GRM1: variants seen among roughly 807,000 people sequenced by gnomAD.
The protein encoded by GRM1 is metabotropic glutamate receptor 1.
In GRM1, 33 loss-of-function variants were observed where a neutral mutation model predicts 90.9. The ratio of observed to expected loss-of-function variants is 0.36; its 90% CI spans 0.28 to 0.49. The LOEUF is 0.49. Among genes scored for constraint, GRM1 ranks in the 20% least tolerant of loss-of-function variants. The pLI is 0.99. For missense variants in GRM1, 1,190 were observed against 1,534.3 expected (o/e 0.78, Z 3.75); for synonymous variants, 700 against 613.2 (o/e 1.14, Z -2.09).
intron 7 of GRM1, among the ~76,000 whole-genome samples, chr6:146,425,520 C>A (rs917749118): frequency 1.5e-4 from 20 of 136,630 alleles, no homozygotes; most frequent in Admixed American, 5.1e-4. Context: ...TCCAGGTTAC[C>A]CTGGACAGTT....
intron 3 of GRM1, among the ~76,000 whole-genome samples, chr6:146,311,217 C>G (rs1783759816): frequency 6.6e-6 from 1 of 152,128 alleles, no homozygotes; most frequent in Non-Finnish European, 1.5e-5. Context: ...GGCAGTTAAA[C>G]TATTCCACTT....
intron 2 of GRM1, among the ~76,000 whole-genome samples, chr6:146,211,140 AT>A (rs1779675334): frequency 6.6e-6 from 1 of 151,422 alleles, no homozygotes; most frequent in Non-Finnish European, 1.5e-5. Context: ...AAAAAAAAAC[AT>A]TTGGCTTAAC....
At chr6:146,279,179 G>A (rs1287520391) in intron 2 of GRM1, among the ~76,000 whole-genome samples, 4 of 152,086 alleles carry the variant, frequency 2.6e-5, no homozygotes, top group South Asian at 2.1e-4. Flanking sequence ...CTTTTAATGT[G>A]TATGGAATCA....
At chr6:146,282,447 C>A (rs192138884) in intron 2 of GRM1, among the ~76,000 whole-genome samples, 45 of 152,012 alleles carry the variant, frequency 3.0e-4, no homozygotes, top group Admixed American at 1.6e-3. Context: ...ATGCCCCTGG[C>A]TCATAGCAGC....
intron 1 of GRM1, among the ~76,000 whole-genome samples, chr6:146,158,496 T>C (rs1174420567): frequency 2.0e-5 from 3 of 152,130 alleles, no homozygotes; most frequent in Admixed American, 6.5e-5. Flanking sequence ...ATGTGTGGGT[T>C]ACAGGAAACA....
At chr6:146,099,910 G>T (rs1037522617) in intron 1 of GRM1, among the ~76,000 whole-genome samples, 1 of 152,128 alleles carries the variant, frequency 6.6e-6, no homozygotes, top group African/African-American at 2.4e-5. Context: ...TGGGTCAAAG[G>T]GTATGTGTGC....
chr6:146,032,049 A>G (rs1790725763), intron 1 of GRM1, among the ~76,000 whole-genome samples: 1 of 152,188 alleles, frequency 6.6e-6, no homozygotes. Context: ...GGTGGCTAAT[A>G]GTGGGTTGCT....
At chr6:146,321,700 C>A (rs528425103) in intron 3 of GRM1, among the ~76,000 whole-genome samples, 4 of 151,710 alleles carry the variant, frequency 2.6e-5, no homozygotes, top group Non-Finnish European at 5.9e-5. Context: ...TTGCATTGAT[C>A]CCTTTACCAT....
At chr6:146,335,944 A>C (rs1436162415) in intron 3 of GRM1, among the ~76,000 whole-genome samples, 1 of 152,154 alleles carries the variant, frequency 6.6e-6, no homozygotes, top group Non-Finnish European at 1.5e-5. Flanking sequence ...ATGGTTTTAC[A>C]GAGGGCAGTT....
intron 2 of GRM1, among the ~76,000 whole-genome samples, chr6:146,283,923 A>T (rs556619015): frequency 6.6e-6 from 1 of 152,222 alleles, no homozygotes; most frequent in Non-Finnish European, 1.5e-5. Context: ...TTGGCTTCTC[A>T]ATACTATTTC....
chr6:146,352,798 C>G (rs1040649593), intron 4 of GRM1, among the ~76,000 whole-genome samples: 6 of 152,128 alleles, frequency 3.9e-5, no homozygotes, highest in Admixed American at 2.0e-4. Flanking sequence ...GCCCAGGAAC[C>G]TAAAGAAATT....
intron 1 of GRM1, among the ~76,000 whole-genome samples, chr6:146,065,957 G>GAA (rs563583020): frequency 6.8e-6 from 1 of 146,088 alleles, no homozygotes; most frequent in Non-Finnish European, 1.5e-5. Context: ...TGACTCAAAG[G>GAA]AAAAAAAAAA....
At chr6:146,136,587 C>G (rs1280459183) in intron 1 of GRM1, among the ~76,000 whole-genome samples, 2 of 152,146 alleles carry the variant, frequency 1.3e-5, no homozygotes, top group African/African-American at 4.8e-5. Flanking sequence ...TGAGAACTGT[C>G]TATTCCGATC....
chr6:146,286,203 G>C (rs6911952), intron 2 of GRM1, among the ~76,000 whole-genome samples: 16,649 of 152,028 alleles, frequency 0.11, 1,767 homozygotes, highest in African/African-American at 0.28. Context: ...ATTTATAAAA[G>C]TCATTACTGA....
intron 2 of GRM1, 87 bp from the exon 3 acceptor site, chr6:146,304,524 G>A (rs1783506909): frequency 2.1e-6 from 2 of 937,000 alleles, no homozygotes; most frequent in Non-Finnish European, 3.4e-6. Flanking sequence ...AGCCTTTTCT[G>A]GATTGCTTCA....
chr6:146,029,425 G>T lies in GRM1; in HGVS notation c.-93G>T. On this transcript the variant is annotated 5_prime_UTR_variant, in exon 1 of 8. Coordinates refer to ENST00000282753, the MANE Select transcript of GRM1 (RefSeq NM_001278064.2). ...CGAGGGGCACCACTCCGGGAGAGGC[G>T]GCGCTGGGCGTCTTGGGGGTGCGCG... 1.0e-6 allele frequency: 1 copy of T among 984,244 alleles called. No homozygotes were observed. The highest frequency in any genetic ancestry group is 1.6e-6 in the Non-Finnish European group (1 of 608,956). 61.0% of individuals were successfully genotyped at this position (984,244 alleles called of 1,614,324 possible).
intron 2 of GRM1, among the ~76,000 whole-genome samples, chr6:146,301,095 A>G (rs1243648889): frequency 6.6e-6 from 1 of 152,116 alleles, no homozygotes; most frequent in Non-Finnish European, 1.5e-5. Context: ...CTTACCTGTG[A>G]TAGATTTAAG....
chr6:146,108,078 T>A (rs1016940714), intron 1 of GRM1, among the ~76,000 whole-genome samples: 5 of 152,208 alleles, frequency 3.3e-5, no homozygotes, highest in South Asian at 2.1e-4. Flanking sequence ...AACCTTCACA[T>A]TGACAGTGTG....
chr6:146,404,685 C>T lies in GRM1; in HGVS notation c.2660+4986C>T, dbSNP rs551614532. Among the ~76,000 whole-genome samples the T allele has an allele frequency of 9.9e-5, 15 of 152,156 alleles. No individual in the cohort carries two copies. The South Asian group carries it at 1.2e-3, about 13-fold the overall frequency. ...TGTAGAGTTTGTTATGCATGAAGCA[C>T]GTAGAGAGATGTAGTGTTGGGCAAC... On this transcript the variant is annotated intron_variant, in intron 7 of 7. Coordinates refer to ENST00000282753, the MANE Select transcript of GRM1 (RefSeq NM_001278064.2).
Sources: gnomAD v4.1 joint callset for allele counts (sites outside exome capture counted in the v4.1 genomes callset) on GRCh38, gnomAD v4.1.1 for gene constraint, MANE v1.5 for transcripts, NCBI Gene and HGNC (gene_info 2026-07-23, HGNC 2026-07-21) for gene names.